GAS6: variants seen among roughly 807,000 people sequenced by gnomAD.
GAS6 encodes the protein growth arrest specific 6, also known as growth arrest-specific protein 6.
Under a neutral mutation model 75.8 loss-of-function variants are expected in GAS6, and 41 were observed. The observed-to-expected ratio is 0.54, with a 90% CI of 0.42 to 0.70. GAS6 has a LOEUF of 0.70. Among genes scored for constraint, GAS6 ranks in the 30% least tolerant of loss-of-function variants. The probability of loss-of-function intolerance (pLI) is 0.00; values close to 1 mark genes in which losing one functional copy is unlikely to be tolerated. For missense variants in GAS6, 854 were observed against 940.2 expected, an observed-to-expected ratio of 0.91 and a Z score of 1.20; for synonymous variants, 432 against 412.6, an observed-to-expected ratio of 1.05 and a Z score of -0.57.
chr13:113,863,024 A>C lies in GAS6; in HGVS notation c.255+551T>G, dbSNP rs1400609591. On this transcript the variant is annotated intron_variant, in intron 2 of 14. Coordinates refer to ENST00000327773, the MANE Select transcript of GAS6 (RefSeq NM_000820.4). The surrounding 1 kb of genome is among the most constrained non-coding windows in gnomAD (Gnocchi z 9.4). Reference sequence around the variant, plus strand: ...GGGCCAGCACCGTCGGGCTCCTGAAAGCACCCGCTGCCTCCAGGAGAGCAC... The same window carrying C: ...GGGCCAGCACCGTCGGGCTCCTGAACGCACCCGCTGCCTCCAGGAGAGCAC... Among the ~76,000 whole-genome samples, 1 of 152,128 alleles carries C rather than the reference A, an allele frequency of 6.6e-6. No homozygotes were observed. The highest frequency in any genetic ancestry group is 1.5e-5 in the Non-Finnish European group (1 of 68,018).
rs746762014 is a variant in GAS6 at position 113,834,640 on chromosome 13, G to T, written c.745C>A (p.Gln249Lys). The change falls in exon 8 of 15, where the codon CAG becomes AAG. Residue 249 changes from glutamine to lysine, a missense_variant. Coordinates refer to ENST00000327773, the MANE Select transcript of GAS6 (RefSeq NM_000820.4). Reference protein sequence around the residue: ...VDECLQGRCEQVCVNSPGSYT... With the variant: ...VDECLQGRCEKVCVNSPGSYT... ...CTCCCTGGGGAGTTCACGCAGACCT[G>T]CTCACAGCGGCCCTGCAGACACTCG... The T allele has an allele frequency of 6.2e-7, 1 of 1,603,066 alleles. No individual in the cohort carries two copies. The highest frequency in any genetic ancestry group is 1.1e-5 in the South Asian group (1 of 90,092).
At chr13:113,835,657 C>G in intron 6 of GAS6, 22 bp from the exon 7 acceptor site, 4 of 1,608,876 alleles carry the variant, frequency 2.5e-6, no homozygotes, top group Non-Finnish European at 3.4e-6. Context: ...AAAAAACCGG[C>G]CAACCGCAGC....
chr13:113,822,161 G>A lies in GAS6; in HGVS notation c.1679C>T (p.Thr560Met), dbSNP rs779434253. 13 of 1,578,250 alleles carry A rather than the reference G, an allele frequency of 8.2e-6. No individual in the cohort carries two copies. Among genetic ancestry groups the A allele is most frequent in the African/African-American group, 4.0e-5 (3 of 74,562 alleles). Residue 560 changes from threonine (T) to methionine (M), a missense_variant, in exon 14 of 15, where the codon ACG (threonine) becomes ATG (methionine). By Grantham distance (81) the Thr-to-Met change is moderately conservative. Coordinates refer to ENST00000327773, the MANE Select transcript of GAS6 (RefSeq NM_000820.4). ...CTTGATCTCCATTAGGGCCAAGGCCGTATGCTCCACGGCCAGGACCACCAG... is the reference window on the plus strand; with the variant it reads ...CTTGATCTCCATTAGGGCCAAGGCCATATGCTCCACGGCCAGGACCACCAG... ...KQLVVLAVEHTALALMEIKVC... is the reference protein window; with the variant it reads ...KQLVVLAVEHMALALMEIKVC...
chr13:113,825,333 G>A (rs2051522801), intron 12 of GAS6, among the ~76,000 whole-genome samples: 3 of 150,920 alleles, frequency 2.0e-5, no homozygotes, highest in Admixed American at 1.3e-4. Context: ...TGCTCTCCCC[G>A]GGAAGGTTTC....
chr13:113,824,900 G>A (rs988911586), intron 12 of GAS6, among the ~76,000 whole-genome samples: 1 of 152,194 alleles, frequency 6.6e-6, no homozygotes, highest in Non-Finnish European at 1.5e-5. Context: ...AACCTGTGAA[G>A]GGAGAGATGA....
At chr13:113,834,033 T>A (rs7319817) in intron 8 of GAS6, among the ~76,000 whole-genome samples, 11,646 of 129,720 alleles carry the variant, frequency 0.09, 942 homozygotes, top group African/African-American at 0.23. Context: ...GTGTGACAGG[T>A]AGGTCATGCT....
rs1222192177 is a variant in GAS6 at position 113,846,468 on chromosome 13, A to C, written c.343+59T>G. 14 of 1,480,984 alleles carry C rather than the reference A, an allele frequency of 9.5e-6. No individual in the cohort carries two copies. In the East Asian group the frequency reaches 2.9e-4, roughly 31 times the overall value. 91.7% of individuals were successfully genotyped at this position (1,480,984 alleles called of 1,614,324 possible). A position where few individuals can be genotyped will look rare whatever the true frequency, so the allele number is the denominator to read the frequency against. ...CAGGGCCCTCCACAAACCACAGCCA[A>C]GCCTAAAGCCGCCCAAACCCACAGT... On this transcript the variant is annotated intron_variant, in intron 4 of 14. Coordinates refer to ENST00000327773, the MANE Select transcript of GAS6 (RefSeq NM_000820.4).
At chr13:113,860,162 C>T (rs530489034) in intron 2 of GAS6, among the ~76,000 whole-genome samples, 29 of 152,260 alleles carry the variant, frequency 1.9e-4, no homozygotes, top group African/African-American at 5.8e-4. Context: ...CAGAGGGAGA[C>T]AAAGAAAGAG....
At chr13:113,821,083 C>T (rs7319527) in intron 14 of GAS6, 65 bp from the exon 15 acceptor site, 328,501 of 1,560,444 alleles carry the variant, frequency 0.21, 38,971 homozygotes, top group African/African-American at 0.47. Flanking sequence ...CTGGCCCCCC[C>T]ACCCCCGGCA....
At position 113,837,715 on chromosome 13, in the gene GAS6, A is replaced by AC. The variant is rs1396106159; in HGVS notation, c.589+353dup. On this transcript the variant is annotated intron_variant, in intron 6 of 14. Transcript: ENST00000327773. The surrounding 1 kb of genome is among the most constrained non-coding windows in gnomAD (Gnocchi z 5.1). The stretch of plus-strand genomic sequence containing the variant: ...GCTGGGGAGAGTGGACGGCGGGGGG[A>AC]CCCTAGCCTGGAGCCCTGACCCACA... Among the ~76,000 whole-genome samples the AC allele has an allele frequency of 1.3e-5, 2 of 151,650 alleles. No homozygotes were observed. Among genetic ancestry groups the AC allele is most frequent in the Admixed American group, 1.3e-4 (2 of 15,260 alleles).
intron 14 of GAS6, 106 bp downstream of exon 14, chr13:113,821,852 G>T: frequency 1.2e-6 from 1 of 857,146 alleles, no homozygotes. Flanking sequence ...GTCCTCTTCC[G>T]CATTCACTAC....
intron 2 of GAS6, among the ~76,000 whole-genome samples, chr13:113,858,313 G>A (rs571941453): frequency 1.3e-5 from 2 of 152,306 alleles, no homozygotes; most frequent in Admixed American, 6.5e-5. Flanking sequence ...TATTATGCAT[G>A]TGTGTACATG....
chr13:113,835,487 C>T (rs7331124), intron 7 of GAS6, 26 bp downstream of exon 7: 233,339 of 1,609,196 alleles, frequency 0.15, 18,665 homozygotes, highest in Non-Finnish European at 0.16. Flanking sequence ...TCAGAGAAAG[C>T]GAGGGTGACC....
intron 12 of GAS6, among the ~76,000 whole-genome samples, chr13:113,826,469 G>GGCTTCGC (rs2051543863): frequency 1.5e-5 from 2 of 129,274 alleles, no homozygotes; most frequent in African/African-American, 2.9e-5. Flanking sequence ...CGCCGGCCTC[G>GGCTTCGC]CAGGCACCTT....
chr13:113,842,776 G>C (rs1475950479), intron 4 of GAS6: 1 of 396,860 alleles, frequency 2.5e-6, no homozygotes, highest in African/African-American at 2.1e-5. Context: ...ACGATGTTTG[G>C]TTAGAGATTA....
At chr13:113,858,258 G>C (rs574308207) in intron 2 of GAS6, among the ~76,000 whole-genome samples, 35 of 152,336 alleles carry the variant, frequency 2.3e-4, no homozygotes, top group African/African-American at 8.2e-4. Flanking sequence ...GTGTGCCTGT[G>C]TGTGTATATG....
intron 3 of GAS6, among the ~76,000 whole-genome samples, chr13:113,847,256 C>T (rs997232135): frequency 1.2e-4 from 19 of 152,252 alleles, no homozygotes; most frequent in African/African-American, 3.9e-4. Context: ...GAACTCAGTC[C>T]TCGCTGGTGC....
chr13:113,859,472 A>G (rs1008454630), intron 2 of GAS6, among the ~76,000 whole-genome samples: 2 of 149,146 alleles, frequency 1.3e-5, no homozygotes, highest in Non-Finnish European at 3.0e-5. Context: ...GTCTATGTGA[A>G]TGTGTGCATG....
chr13:113,838,128 C>T lies in GAS6; in HGVS notation c.530G>A (p.Ser177Asn). ...GCCGCTGTGGCAGGAACAGTGGAAG[C>T]TACCCGGCTTGTTGTGGCAGATCTG... Reference protein sequence around the residue: ...CLQICHNKPGSFHCSCHSGFE... With the variant: ...CLQICHNKPGNFHCSCHSGFE... The change falls in exon 6 of 15, where the codon AGC becomes AAC. Residue 177 changes from serine to asparagine, a missense_variant. Coordinates refer to ENST00000327773, the MANE Select transcript of GAS6 (RefSeq NM_000820.4). The T allele has an allele frequency of 6.2e-7, 1 of 1,612,866 alleles. No homozygotes were observed. The highest frequency in any genetic ancestry group is 1.3e-5 in the African/African-American group (1 of 75,038).
Sources: allele counts gnomAD v4.1 joint callset (sites outside exome capture counted in the v4.1 genomes callset), GRCh38; gene constraint gnomAD v4.1.1; non-coding constraint Gnocchi (gnomAD v3.1); transcripts MANE v1.5; gene names NCBI Gene and HGNC (gene_info 2026-07-23, HGNC 2026-07-21).